FRYL: variants seen among roughly 807,000 people sequenced by gnomAD.
The protein encoded by FRYL is FRY like transcription coactivator, also known as protein furry homolog-like.
A neutral mutation model predicts 351.2 loss-of-function variants in FRYL; 150 were observed. That is an observed-to-expected ratio of 0.43 (90% CI 0.37 to 0.49). The LOEUF (loss-of-function observed/expected upper bound fraction) is 0.49. FRYL is among the 20% of genes least tolerant of loss of function. The probability of loss-of-function intolerance (pLI) is 0.00; values close to 1 mark genes in which losing one functional copy is unlikely to be tolerated. For missense variants in FRYL, 3,036 were observed against 3,619.3 expected (o/e 0.84, Z 4.13); for synonymous variants, 1,153 against 1,257.1 (o/e 0.92, Z 1.75).
Position 48,565,690 on chromosome 4 carries a change from C to T in FRYL, c.3171G>A (p.Val1057=). ...LVANIIQNVP[V]HQRRSIFPQQ... is the part of the protein sequence containing the mutation. Reference sequence around the variant, plus strand: ...GAGGAAAAATACTTCTTCTCTGGTGCACTGTGAATAAAAAAAGATAGAAAA... The same window carrying T: ...GAGGAAAAATACTTCTTCTCTGGTGTACTGTGAATAAAAAAAGATAGAAAA... Residue 1057 remains valine (V), a splice_region_variant and synonymous_variant, in exon 29 of 64, where the codon GTG becomes GTA. Transcript: ENST00000358350. 6.2e-7 allele frequency: 1 copy of T among 1,601,640 alleles called. No homozygotes were observed. The highest frequency in any genetic ancestry group is 1.1e-5 in the South Asian group (1 of 87,924).
In FRYL at chr4:48,556,509, C is replaced by T. The variant is rs528262953; in HGVS notation, c.4266+469G>A. Among the ~76,000 whole-genome samples, 6 of 152,332 alleles carry T rather than the reference C, an allele frequency of 3.9e-5. No homozygotes were observed. In the East Asian group the frequency reaches 9.6e-4, roughly 24 times the overall value. ...CTGAGCTCACACTCACCATCCTGTT[C>T]TCATATCTAAATGCCAGCTCTGCCT... On this transcript the variant is annotated intron_variant, in intron 35 of 63. Transcript: ENST00000358350.
At chr4:48,595,478 A>G in intron 15 of FRYL, 112 bp downstream of exon 15, 1 of 542,986 alleles carries the variant, frequency 1.8e-6, no homozygotes, top group Admixed American at 3.8e-5. Flanking sequence ...AAACTTATTC[A>G]ATGTTGTATT....
In FRYL at chr4:48,605,779, C is replaced by T; in HGVS notation, c.796G>A (p.Ala266Thr). 6.2e-7 allele frequency: 1 copy of T among 1,609,492 alleles called. No individual in the cohort carries two copies. The highest frequency in any genetic ancestry group is 8.5e-7 in the Non-Finnish European group (1 of 1,176,748). The change falls in exon 11 of 64, where the codon GCT becomes ACT. Residue 266 changes from alanine to threonine, a missense_variant. This residue lies in a region of FRYL where 457 missense variants were observed against 566.6 expected (regional missense o/e 0.81). Transcript: ENST00000358350. ...VKDKDIKHAL[A>T]GLFVEILIPV... ...ATAAGAATCTCCACAAATAAACCAGCAAGTGCATGTTTTATATCTTTATCT... is the reference window on the plus strand; with the variant it reads ...ATAAGAATCTCCACAAATAAACCAGTAAGTGCATGTTTTATATCTTTATCT...
chr4:48,689,370 C>G (rs1250492741), intron 2 of FRYL, among the ~76,000 whole-genome samples: 3 of 152,120 alleles, frequency 2.0e-5, no homozygotes, highest in Admixed American at 1.3e-4. Context: ...AATTTTCATA[C>G]TACATTTTCA....
Position 48,498,710 on chromosome 4 carries a change from AATAAC to A in FRYL, c.*707_*711del, listed in dbSNP as rs1422809475. 2 of 152,578 alleles carry A rather than the reference AATAAC, an allele frequency of 1.3e-5. No individual in the cohort carries two copies. The highest frequency in any genetic ancestry group is 4.8e-5 in the African/African-American group (2 of 41,474). 9.5% of individuals were successfully genotyped at this position (152,578 alleles called of 1,614,324 possible). On this transcript the variant is annotated 3_prime_UTR_variant, in exon 64 of 64. Transcript: ENST00000358350. ...TACTATGAAGAGTTAGATCTAATAA[AATAAC>A]ATTTCTTCAAAAATAATCTTGCAGT... is the stretch of plus-strand genomic sequence containing the variant.
chr4:48,560,381 G>C (rs1174705829), intron 33 of FRYL, among the ~76,000 whole-genome samples: 1 of 152,198 alleles, frequency 6.6e-6, no homozygotes, highest in Non-Finnish European at 1.5e-5. Flanking sequence ...TTAAGCAAAG[G>C]AGTTAAAATT....
chr4:48,523,164 G>T, intron 53 of FRYL, 60 bp from the exon 54 acceptor site: 1 of 1,128,714 alleles, frequency 8.9e-7, no homozygotes, highest in Non-Finnish European at 1.3e-6. Flanking sequence ...TGTACTAAAT[G>T]TAATATACCA....
In FRYL at chr4:48,677,161, G is replaced by T. The variant is rs190983949; in HGVS notation, c.-81+7512C>A. Among the ~76,000 whole-genome samples, 17 of 152,150 alleles carry T rather than the reference G, an allele frequency of 1.1e-4. No individual in the cohort carries two copies. In the East Asian group the frequency reaches 3.1e-3, roughly 28 times the overall value. On this transcript the variant is annotated intron_variant, in intron 3 of 63. Coordinates refer to ENST00000358350, the MANE Select transcript of FRYL (RefSeq NM_015030.2). ...AATATTAGGCTACTTAACATTTAAA[G>T]AAAGTTAAAAATAAAAAAATTATCA...
chr4:48,612,211 T>A (rs1195640302), intron 7 of FRYL, among the ~76,000 whole-genome samples: 2 of 152,156 alleles, frequency 1.3e-5, no homozygotes, highest in Non-Finnish European at 2.9e-5. Context: ...TAAAATGGTA[T>A]ATATTCCAGT....
At chr4:48,769,444 T>C (rs563053519) in intron 1 of FRYL, among the ~76,000 whole-genome samples, 15 of 152,334 alleles carry the variant, frequency 9.8e-5, no homozygotes, top group Admixed American at 3.9e-4. Flanking sequence ...GGAGAGGATA[T>C]AGAGAAACTT....
chr4:48,773,906 C>T (rs1376339456), intron 1 of FRYL, among the ~76,000 whole-genome samples: 1 of 152,188 alleles, frequency 6.6e-6, no homozygotes, highest in African/African-American at 2.4e-5. Flanking sequence ...GCCTGGGAAA[C>T]AGAGTGAGAC....
chr4:48,658,537 G>T (rs982381907), intron 3 of FRYL, among the ~76,000 whole-genome samples: 4 of 127,548 alleles, frequency 3.1e-5, no homozygotes, highest in Non-Finnish European at 6.2e-5. Context: ...AGGAGTTTGA[G>T]ACCAGCCTGG....
chr4:48,590,547 T>C (rs1465665161), intron 17 of FRYL, 112 bp downstream of exon 17: 5 of 740,108 alleles, frequency 6.8e-6, no homozygotes, highest in South Asian at 2.1e-5. Flanking sequence ...TGGCTGTATA[T>C]ACTAGAAAAA....
At chr4:48,643,451 G>A (rs1284766536) in intron 3 of FRYL, among the ~76,000 whole-genome samples, 1 of 152,116 alleles carries the variant, frequency 6.6e-6, no homozygotes, top group Non-Finnish European at 1.5e-5. Context: ...AGCAAACAAA[G>A]TAATATAACT....
intron 3 of FRYL, among the ~76,000 whole-genome samples, chr4:48,681,423 G>T (rs1181935763): frequency 6.6e-6 from 1 of 152,104 alleles, no homozygotes; most frequent in Non-Finnish European, 1.5e-5. Context: ...AATATTGAGC[G>T]TCCATCTAGT....
At chr4:48,534,744 CAA>C (rs1728491958) in intron 48 of FRYL, 59 bp from the exon 49 acceptor site, 23 of 1,033,452 alleles carry the variant, frequency 2.2e-5, no homozygotes, top group Non-Finnish European at 3.3e-5. Context: ...AATAAAAACT[CAA>C]TATTTACATT....
intron 53 of FRYL, among the ~76,000 whole-genome samples, chr4:48,525,681 ATATG>A (rs1449394597): frequency 6.6e-6 from 1 of 151,928 alleles, no homozygotes; most frequent in African/African-American, 2.4e-5. Context: ...TTGTATATGT[ATATG>A]TATACGAGAG....
rs190393403 is a variant in FRYL at position 48,612,605 on chromosome 4, C to T, written c.412-2782G>A. 3.2e-3 allele frequency among the ~76,000 whole-genome samples: 485 copies of T among 152,200 alleles called. 3 individuals are homozygous for T. Among genetic ancestry groups the T allele is most frequent in the African/African-American group, 0.011 (463 of 41,526 alleles). ...TATTTATTTATTTTTGAGACAGTCTCGCTCTGTCACCCAGGCTGGATAGAG... is the reference window on the plus strand; with the variant it reads ...TATTTATTTATTTTTGAGACAGTCTTGCTCTGTCACCCAGGCTGGATAGAG... On this transcript the variant is annotated intron_variant, in intron 7 of 63. Transcript: ENST00000358350.
At chr4:48,579,779 G>C (rs534817868) in intron 22 of FRYL, among the ~76,000 whole-genome samples, 1 of 152,112 alleles carries the variant, frequency 6.6e-6, no homozygotes, top group Non-Finnish European at 1.5e-5. Flanking sequence ...TCTCTTTTTG[G>C]AATAATTCAT....
Sources: gnomAD v4.1 joint callset for allele counts (sites outside exome capture counted in the v4.1 genomes callset) on GRCh38, gnomAD v4.1.1 for gene constraint, gnomAD v4.1.1 regional missense constraint, MANE v1.5 for transcripts, NCBI Gene and HGNC (gene_info 2026-07-23, HGNC 2026-07-21) for gene names.